ERCC6L2: variants seen among roughly 807,000 people sequenced by gnomAD.
ERCC6L2 encodes ERCC excision repair 6 like 2.
Under a neutral mutation model 132.0 loss-of-function variants are expected in ERCC6L2, and 77 were observed. The observed-to-expected ratio is 0.58, with a 90% confidence interval of 0.49 to 0.71. ERCC6L2 has a LOEUF of 0.71. Among genes scored for constraint, ERCC6L2 ranks in the 30% least tolerant of loss-of-function variants. The pLI, the probability that ERCC6L2 is intolerant of heterozygous loss-of-function variation, is 0.00. For synonymous variants in ERCC6L2, 583 were observed against 632.4 expected (o/e 0.92, Z 1.17); for missense variants, 1,542 against 1,837.6 (o/e 0.84, Z 2.94).
chr9:95,967,307 A>G (rs971002217), intron 14 of ERCC6L2: 10 of 152,160 alleles, frequency 6.6e-5, no homozygotes, highest in African/African-American at 2.4e-4. Flanking sequence ...TTTCTAATTG[A>G]TATTCATATA....
downstream of ERCC6L2, chr9:96,021,074 G>A: frequency 2.3e-6 from 1 of 443,622 alleles, no homozygotes; most frequent in Non-Finnish European, 4.5e-6. This position sits in a 1 kb window ranked among gnomAD's most constrained non-coding sequence, Gnocchi z 4.7. Flanking sequence ...CCTGCGCCGG[G>A]CACAGGGAGG....
chr9:96,021,001 C>T, downstream of ERCC6L2: 1 of 456,512 alleles, frequency 2.2e-6, no homozygotes, highest in Non-Finnish European at 4.4e-6. This position sits in a 1 kb window ranked among gnomAD's most constrained non-coding sequence, Gnocchi z 4.7. Flanking sequence ...GACTGTTGGA[C>T]CAAAAGTCCT....
intron 19 of ERCC6L2, chr9:96,027,579 TCC>T (rs1300933777): frequency 1.3e-5 from 2 of 151,740 alleles, no homozygotes; most frequent in Admixed American, 1.3e-4. Flanking sequence ...GCCGGGCGGG[TCC>T]GGAAGGAGCC....
At position 96,035,361 on chromosome 9, in the gene ERCC6L2, A is replaced by G. The variant is rs902916730; in HGVS notation, c.*1504-3515A>G. On this transcript the variant is annotated intron_variant and NMD_transcript_variant, in intron 19 of 20. Transcript: ENST00000670016. Reference sequence around the variant, plus strand: ...CGAGCCCGCCCCTGGCTGCCCATGGACCAACTGGCAGGCACTTCCTCTCCT... The same window carrying G: ...CGAGCCCGCCCCTGGCTGCCCATGGGCCAACTGGCAGGCACTTCCTCTCCT... Among the ~76,000 whole-genome samples, 5 of 152,148 alleles carry G rather than the reference A, an allele frequency of 3.3e-5. 2 individuals are homozygous for G. The highest frequency in any genetic ancestry group is 7.3e-5 in the Non-Finnish European group (5 of 68,032).
chr9:95,944,932 GAGATCAC>G (rs552316347), intron 12 of ERCC6L2, among the ~76,000 whole-genome samples: 74 of 152,264 alleles, frequency 4.9e-4, no homozygotes, highest in African/African-American at 1.7e-3. Context: ...GAGGCAGGGC[GAGATCAC>G]AGGACCACAG....
At chr9:95,934,322 G>A (rs1830467584) in intron 11 of ERCC6L2, among the ~76,000 whole-genome samples, 1 of 151,894 alleles carries the variant, frequency 6.6e-6, no homozygotes, top group African/African-American at 2.4e-5. Context: ...AATTATATAG[G>A]CAGCTGGAAT....
intron 12 of ERCC6L2, among the ~76,000 whole-genome samples, chr9:95,946,227 C>G (rs77522605): frequency 0.03 from 4,618 of 152,206 alleles, 96 homozygotes; most frequent in East Asian, 0.13. Context: ...CCATATTCCT[C>G]TCTTAAAAAA....
intron 19 of ERCC6L2, among the ~76,000 whole-genome samples, chr9:96,031,582 C>G (rs1231667358): frequency 6.6e-6 from 1 of 152,254 alleles, no homozygotes; most frequent in East Asian, 1.9e-4. Flanking sequence ...AAGTTGCTTT[C>G]CAAATGCTAT....
chr9:95,988,878 A>G (rs1833193809), intron 17 of ERCC6L2, among the ~76,000 whole-genome samples: 1 of 152,238 alleles, frequency 6.6e-6, no homozygotes, highest in Non-Finnish European at 1.5e-5. Context: ...GTCAGTCACA[A>G]GACCCAGTTT....
At chr9:95,922,209 C>T (rs576521532) in intron 7 of ERCC6L2, 96 bp from the exon 8 acceptor site, 9 of 557,922 alleles carry the variant, frequency 1.6e-5, no homozygotes, top group Non-Finnish European at 2.5e-5. Flanking sequence ...CAAAGTAACC[C>T]GATAATAAAT....
At position 95,966,578 on chromosome 9, in the gene ERCC6L2, T is replaced by G; in HGVS notation, c.1964T>G (p.Val655Gly). ...QIYKQQLHCVVVGSENAKRYF... is the reference protein window; with the variant it reads ...QIYKQQLHCVGVGSENAKRYF... ...CTGTTTTAGCAACTTCACTGTGTGG[T>G]GGTTGGAAGTGAAAATGCCAAACGA... Residue 655 changes from valine to glycine, a missense_variant, in exon 14 of 19, where the codon GTG becomes GGG. Val to Gly is a moderately radical substitution (Grantham distance 109). Transcript: ENST00000653738. 1 of 1,508,466 alleles carries G rather than the reference T, an allele frequency of 6.6e-7. No individual in the cohort carries two copies. The highest frequency in any genetic ancestry group is 1.3e-5 in the South Asian group (1 of 74,108). 93.4% of individuals were successfully genotyped at this position (1,508,466 alleles called of 1,614,324 possible).
At chr9:95,894,346 C>G (rs2132585281) in intron 2 of ERCC6L2, among the ~76,000 whole-genome samples, 1 of 152,260 alleles carries the variant, frequency 6.6e-6, no homozygotes, top group Middle Eastern at 3.4e-3. Context: ...CCCTAAGGTA[C>G]AGCTTTAGCC....
At chr9:95,931,005 G>A (rs1274905089) in intron 11 of ERCC6L2, among the ~76,000 whole-genome samples, 10 of 152,174 alleles carry the variant, frequency 6.6e-5, no homozygotes, top group Admixed American at 6.5e-5. Flanking sequence ...AGGCAAAAAA[G>A]CGTTTACATT....
At chr9:95,918,328 G>T in intron 6 of ERCC6L2, 1 of 393,976 alleles carries the variant, frequency 2.5e-6, no homozygotes. Flanking sequence ...AAAAAAGAGG[G>T]ACCAAATGAC....
intron 19 of ERCC6L2, among the ~76,000 whole-genome samples, chr9:96,037,928 G>A (rs546035051): frequency 1.3e-5 from 2 of 152,034 alleles, no homozygotes; most frequent in Admixed American, 6.6e-5. Context: ...AGTATCTATG[G>A]ATTTGGCCAT....
intron 12 of ERCC6L2, among the ~76,000 whole-genome samples, chr9:95,950,539 G>A (rs372397837): frequency 4.6e-5 from 7 of 152,232 alleles, no homozygotes; most frequent in African/African-American, 1.7e-4. Flanking sequence ...ATTAAAAGAT[G>A]TAGATTGGCA....
At chr9:95,980,724 T>C (rs1832856017) in intron 17 of ERCC6L2, among the ~76,000 whole-genome samples, 2 of 151,994 alleles carry the variant, frequency 1.3e-5, no homozygotes, top group Admixed American at 1.3e-4. Flanking sequence ...GAATTTGCAG[T>C]TTTGAAAAAA....
At chr9:95,899,144 T>G (rs1391536774) in intron 3 of ERCC6L2, among the ~76,000 whole-genome samples, 3 of 151,932 alleles carry the variant, frequency 2.0e-5, no homozygotes, top group Non-Finnish European at 4.4e-5. Context: ...TTAAAGATAT[T>G]TAAAATATTA....
chr9:95,969,081 C>T (rs973911011), intron 14 of ERCC6L2, among the ~76,000 whole-genome samples: 7 of 152,052 alleles, frequency 4.6e-5, no homozygotes, highest in Non-Finnish European at 7.4e-5. Flanking sequence ...GAAACAAATG[C>T]AGAGGTCCTG....
Sources: gnomAD v4.1 joint callset for allele counts (sites outside exome capture counted in the v4.1 genomes callset) on GRCh38, gnomAD v4.1.1 for gene constraint, Gnocchi (gnomAD v3.1) non-coding constraint, MANE v1.5 for transcripts, NCBI Gene and HGNC (gene_info 2026-07-23, HGNC 2026-07-21) for gene names.